Variants in TLK2 observed in about 807,000 individuals in gnomAD.
The protein encoded by TLK2 is serine/threonine-protein kinase tousled-like 2.
Under a neutral mutation model 117.3 loss-of-function variants are expected in TLK2, and 6 were observed. The ratio of observed to expected loss-of-function variants is 0.05; its 90% CI spans 0.03 to 0.10. The LOEUF (loss-of-function observed/expected upper bound fraction) is 0.10. TLK2 is among the 10% of genes least tolerant of loss of function. The pLI is 1.00. For synonymous variants in TLK2, 257 were observed against 316.7 expected, an observed-to-expected ratio of 0.81 and a Z score of 2.00; for missense variants, 299 against 901.2, an observed-to-expected ratio of 0.33 and a Z score of 8.56.
intron 7 of TLK2, among the ~76,000 whole-genome samples, chr17:62,549,437 A>AAAAAAAAAAAAAAAAAAG (rs2078259930): frequency 7.9e-6 from 1 of 126,392 alleles, no homozygotes; most frequent in Non-Finnish European, 1.7e-5. Context: ...AAAAAAAAAA[A>AAAAAAAAAAAAAAAAAAG]TAGAAACACA....
intron 2 of TLK2, among the ~76,000 whole-genome samples, chr17:62,502,751 C>T (rs932354171): frequency 2.6e-5 from 4 of 151,660 alleles, no homozygotes; most frequent in Non-Finnish European, 5.9e-5. Flanking sequence ...GAAGTAAAAG[C>T]GAAAAAGAAA....
intron 1 of TLK2, among the ~76,000 whole-genome samples, chr17:62,479,497 C>A (rs991463236): frequency 7.2e-5 from 11 of 151,952 alleles, no homozygotes; most frequent in Non-Finnish European, 1.3e-4. Flanking sequence ...GCCCAGGCGG[C>A]CCCGGCCTGG....
intron 15 of TLK2, among the ~76,000 whole-genome samples, chr17:62,584,612 CA>C (rs1443165891): frequency 1.3e-5 from 2 of 151,888 alleles, no homozygotes; most frequent in Admixed American, 1.3e-4. Flanking sequence ...GCCAGGAGTT[CA>C]AAAACAGCCT....
At chr17:62,510,400 AC>A (rs1158506172) in intron 2 of TLK2, among the ~76,000 whole-genome samples, 1 of 152,172 alleles carries the variant, frequency 6.6e-6, no homozygotes, top group Admixed American at 6.5e-5. Flanking sequence ...CTTCCTAATG[AC>A]TGTGTGACCT....
intron 2 of TLK2, among the ~76,000 whole-genome samples, chr17:62,512,857 TATTA>T (rs1477360523): frequency 5.6e-5 from 6 of 107,278 alleles, no homozygotes; most frequent in African/African-American, 5.8e-5. Flanking sequence ...TTTAAAAATT[TATTA>T]ATTATTATTA....
intron 15 of TLK2, chr17:62,585,922 G>A: frequency 2.3e-6 from 1 of 427,566 alleles, no homozygotes; most frequent in South Asian, 4.6e-5. Flanking sequence ...CTGGTTTTAT[G>A]TTCTAAATCC....
intron 2 of TLK2, among the ~76,000 whole-genome samples, chr17:62,505,406 G>GTTTTTTTTTTT (rs1220388129): frequency 8.8e-5 from 2 of 22,646 alleles, no homozygotes; most frequent in Non-Finnish European, 8.5e-5. Context: ...ACCATACCCA[G>GTTTTTTTTTTT]ATTTTTTTTT....
rs547138542 is a variant in TLK2, at chr17:62,496,306, TTC to T, written c.81+15101_81+15102del. On this transcript the variant is annotated intron_variant, in intron 2 of 21. Transcript: ENST00000346027. ...GTATTTCATTGTATGGCTGAACCGTTTCCTGTTGATGGACACTTAGATGGACA... is the reference window on the plus strand; with the variant it reads ...GTATTTCATTGTATGGCTGAACCGTTCTGTTGATGGACACTTAGATGGACA... Among the ~76,000 whole-genome samples, 361 of 152,312 alleles carry T rather than the reference TTC, an allele frequency of 2.4e-3. 1 individual carries two copies. The highest frequency in any genetic ancestry group is 8.0e-3 in the African/African-American group (332 of 41,564).
chr17:62,567,827 AT>A (rs2146501003), intron 11 of TLK2, among the ~76,000 whole-genome samples: 1 of 152,138 alleles, frequency 6.6e-6, no homozygotes, highest in South Asian at 2.1e-4. Context: ...TGTTGTTGTT[AT>A]TTTTGTTCAC....
intron 5 of TLK2, among the ~76,000 whole-genome samples, chr17:62,523,994 C>G (rs1249561050): frequency 6.6e-6 from 1 of 151,996 alleles, no homozygotes; most frequent in Non-Finnish European, 1.5e-5. Flanking sequence ...ATCATGTATA[C>G]CTTCAGCTTT....
At chr17:62,582,177 A>G (rs559371295) in intron 15 of TLK2, among the ~76,000 whole-genome samples, 1 of 152,338 alleles carries the variant, frequency 6.6e-6, no homozygotes, top group African/African-American at 2.4e-5. Context: ...TGATATATTC[A>G]GATTTTCTCT....
intron 17 of TLK2, 146 bp downstream of exon 17, chr17:62,596,820 A>G: frequency 1.5e-6 from 1 of 680,962 alleles, no homozygotes; most frequent in Non-Finnish European, 2.4e-6. Flanking sequence ...ATAAATTCAG[A>G]TTTGGATCAG....
At chr17:62,577,551 T>C (rs1013305887) in intron 13 of TLK2, among the ~76,000 whole-genome samples, 1 of 152,226 alleles carries the variant, frequency 6.6e-6, no homozygotes, top group African/African-American at 2.4e-5. Flanking sequence ...GAATTTGTTA[T>C]TGATGATGTT....
chr17:62,529,575 T>C (rs1418551084), intron 6 of TLK2, among the ~76,000 whole-genome samples: 1 of 152,226 alleles, frequency 6.6e-6, no homozygotes, highest in African/African-American at 2.4e-5. Flanking sequence ...ATATTTAATA[T>C]ATCCAAATCA....
At chr17:62,490,978 C>G (rs1371048302) in intron 2 of TLK2, among the ~76,000 whole-genome samples, 2 of 152,316 alleles carry the variant, frequency 1.3e-5, no homozygotes, top group East Asian at 3.9e-4. Context: ...TCAAGTGATT[C>G]TCCCACCTCA....
chr17:62,591,024 G>A (rs1425110422), intron 16 of TLK2, among the ~76,000 whole-genome samples: 3 of 152,168 alleles, frequency 2.0e-5, no homozygotes, highest in Admixed American at 6.5e-5. Context: ...GGCCGAGGCC[G>A]GTGGATCATG....
intron 10 of TLK2, 58 bp from the exon 11 acceptor site, chr17:62,564,943 A>C: frequency 6.5e-7 from 1 of 1,547,700 alleles, no homozygotes; most frequent in South Asian, 1.3e-5. Flanking sequence ...GTTTCTAAGA[A>C]GTGTCTTTAT....
chr17:62,474,843 T>C (rs1407610393), upstream of TLK2, among the ~76,000 whole-genome samples: 1 of 150,794 alleles, frequency 6.6e-6, no homozygotes, highest in Non-Finnish European at 1.5e-5. Flanking sequence ...TTTTTTTTTT[T>C]AAGAGACAAG....
chr17:62,555,483 A>AT lies in TLK2; in HGVS notation c.720+1745dup, dbSNP rs35222378. 8.5e-3 allele frequency among the ~76,000 whole-genome samples: 1,192 copies of AT among 140,612 alleles called. 5 individuals carry two copies. Among genetic ancestry groups the AT allele is most frequent in the African/African-American group, 0.016 (611 of 38,620 alleles). The allele number at this position is 140,612 out of a possible 152,430, so 92.2% of individuals were successfully genotyped here. A position where few individuals can be genotyped will look rare whatever the true frequency, so the allele number is the denominator to read the frequency against. On this transcript the variant is annotated intron_variant, in intron 9 of 21. Coordinates refer to ENST00000346027, the MANE Select transcript of TLK2 (RefSeq NM_006852.6). Reference sequence around the variant, plus strand: ...GTCTGGTGTGTTTATATTATTATTAATTTTTTTTTTTTTTTTTGAGACAGA... The same window carrying AT: ...GTCTGGTGTGTTTATATTATTATTAATTTTTTTTTTTTTTTTTTGAGACAGA...
Sources: gnomAD v4.1 joint callset for allele counts (sites outside exome capture counted in the v4.1 genomes callset) on GRCh38, gnomAD v4.1.1 for gene constraint, MANE v1.5 for transcripts, NCBI Gene and HGNC (gene_info 2026-07-23, HGNC 2026-07-21) for gene names.